The following COL4A3 variants were observed in gnomAD, a reference collection of about 807,000 sequenced individuals.
COL4A3 encodes the protein collagen alpha-3(IV) chain.
COL4A3 carries 135 observed loss-of-function variants against 217.4 expected under a neutral mutation model. The observed-to-expected ratio is 0.62, with a 90% CI of 0.54 to 0.72. COL4A3 has a LOEUF of 0.72. Among genes scored for constraint, COL4A3 ranks in the 30% least tolerant of loss-of-function variants. The probability of loss-of-function intolerance (pLI) is 0.00; values close to 1 mark genes in which losing one functional copy is unlikely to be tolerated. For missense variants in COL4A3, 1,868 were observed against 2,119.9 expected, an observed-to-expected ratio of 0.88 and a Z score of 2.33; for synonymous variants, 690 against 736.3, an observed-to-expected ratio of 0.94 and a Z score of 1.02.
At position 227,246,669 on chromosome 2, in the gene COL4A3, T is replaced by C. The variant is rs1427479006; in HGVS notation, c.388-16T>C. On this transcript the variant is annotated splice_polypyrimidine_tract_variant and intron_variant, in intron 6 of 51. Transcript: ENST00000396578. Reference sequence around the variant, plus strand: ...AGAACAACTAAGAATAATAAGAAACTTTGTATGTCTTTTAGGGTGAGCAGG... The same window carrying C: ...AGAACAACTAAGAATAATAAGAAACCTTGTATGTCTTTTAGGGTGAGCAGG... The C allele has an allele frequency of 3.7e-6, 6 of 1,602,318 alleles. No individual in the cohort carries two copies. The Admixed American group carries it at 8.3e-5, about 22-fold the overall frequency.
At chr2:227,206,721 C>T (rs755576291) in intron 1 of COL4A3, among the ~76,000 whole-genome samples, 1 of 152,106 alleles carries the variant, frequency 6.6e-6, no homozygotes, top group Admixed American at 6.6e-5. Flanking sequence ...TTTGTATGCA[C>T]GTGGAGGTTG....
chr2:227,247,656 T>G (rs78706558), intron 8 of COL4A3, 72 bp downstream of exon 8: 1 of 1,406,512 alleles, frequency 7.1e-7, no homozygotes. Context: ...TATTAAATAA[T>G]GAGACTTAAG....
intron 20 of COL4A3, 73 bp downstream of exon 20, chr2:227,261,190 T>C (rs1361035286): frequency 8.1e-7 from 1 of 1,235,512 alleles, no homozygotes; most frequent in Non-Finnish European, 1.2e-6. Flanking sequence ...CTATTAAGTT[T>C]ACATTATTTA....
At chr2:227,207,712 G>A (rs1169085076) in intron 1 of COL4A3, among the ~76,000 whole-genome samples, 1 of 152,170 alleles carries the variant, frequency 6.6e-6, no homozygotes, top group East Asian at 1.9e-4. Context: ...TTGTAAATGT[G>A]GCCAAAAGCT....
rs76979607 is a variant in COL4A3 at position 227,254,444 on chromosome 2, A to G, written c.829-212A>G. On this transcript the variant is annotated intron_variant, in intron 14 of 51. Coordinates refer to ENST00000396578, the MANE Select transcript of COL4A3 (RefSeq NM_000091.5). ...CCTTGCACTGCTGTACATGCACCCA[A>G]TGCCACCCATCCTATGACTTATCTT... Among the ~76,000 whole-genome samples, 5,213 of 152,160 alleles carry G rather than the reference A, an allele frequency of 0.034. 285 individuals carry two copies. Among genetic ancestry groups the G allele is most frequent in the African/African-American group, 0.12 (4,958 of 41,476 alleles).
intron 42 of COL4A3, 41 bp downstream of exon 42, chr2:227,297,900 C>A (rs1414817383): frequency 1.9e-6 from 3 of 1,547,888 alleles, no homozygotes; most frequent in South Asian, 1.2e-5. Context: ...TAACAAAAAT[C>A]ATGTTTGACC....
chr2:227,310,327 G>A (rs1265479303), intron 50 of COL4A3, among the ~76,000 whole-genome samples: 1 of 152,150 alleles, frequency 6.6e-6, no homozygotes, highest in East Asian at 1.9e-4. Context: ...GGAGTGCAGT[G>A]GTGCAATCTT....
intron 14 of COL4A3, 48 bp from the exon 15 acceptor site, chr2:227,254,608 A>T: frequency 7.2e-7 from 1 of 1,395,466 alleles, no homozygotes; most frequent in South Asian, 1.2e-5. Context: ...CAATGTAAGT[A>T]AAAAAATCAG....
rs754689846 is a variant in COL4A3, at chr2:227,254,024, T to C, written c.766-88T>C. On this transcript the variant is annotated intron_variant, in intron 13 of 51. Transcript: ENST00000396578. ...ATTCATAGTTTGTAAACCCAGTTTA[T>C]TGAACAGATAGAGGATTTGTCCCAC... 5.7e-6 allele frequency: 7 copies of C among 1,224,354 alleles called. No homozygotes were observed. The East Asian group carries it at 7.0e-5, about 12-fold the overall frequency. 75.8% of individuals were successfully genotyped at this position (1,224,354 alleles called of 1,614,324 possible).
In COL4A3 at chr2:227,191,530, C is replaced by T. The variant is rs903217111; in HGVS notation, c.87+26717C>T. Among the ~76,000 whole-genome samples, 1 of 152,144 alleles carries T rather than the reference C, an allele frequency of 6.6e-6. No individual in the cohort carries two copies. The highest frequency in any genetic ancestry group is 1.5e-5 in the Non-Finnish European group (1 of 68,030). On this transcript the variant is annotated intron_variant, in intron 1 of 51. Transcript: ENST00000396578. This position sits in a 1 kb window ranked among gnomAD's most constrained non-coding sequence, Gnocchi z 6.8. ...GAGCTCCCCTGTTGGCCATTCCCCG[C>T]ATCAAGGATTCAAAGAACCTGCCAA...
At chr2:227,302,690 A>AAAAAAAAAAAAAAAAAT (rs2073344045) in intron 43 of COL4A3, among the ~76,000 whole-genome samples, 1 of 76,952 alleles carries the variant, frequency 1.3e-5, no homozygotes, top group African/African-American at 3.3e-5. Flanking sequence ...AAAAAAAAAA[A>AAAAAAAAAAAAAAAAAT]AAAAAAAAAA....
At chr2:227,238,099 C>G (rs1409471039) in intron 2 of COL4A3, 75 bp downstream of exon 2, 3 of 969,136 alleles carry the variant, frequency 3.1e-6, no homozygotes, top group Non-Finnish European at 5.0e-6. Context: ...CTTCTTTCAT[C>G]GGTAGCAGAA....
At chr2:227,279,034 C>T (rs185917791) in intron 28 of COL4A3, among the ~76,000 whole-genome samples, 2 of 152,060 alleles carry the variant, frequency 1.3e-5, no homozygotes, top group East Asian at 1.9e-4. Flanking sequence ...TCTTAAGCAA[C>T]CCCTGTTGAG....
At chr2:227,180,785 G>A (rs1040626376) in intron 1 of COL4A3, among the ~76,000 whole-genome samples, 3 of 152,146 alleles carry the variant, frequency 2.0e-5, no homozygotes, top group African/African-American at 7.2e-5. Context: ...TACTGAGACA[G>A]GAATGAGATT....
chr2:227,272,826 C>A, intron 25 of COL4A3, 123 bp from the exon 26 acceptor site: 2 of 1,069,510 alleles, frequency 1.9e-6, no homozygotes, highest in Non-Finnish European at 2.9e-6. Context: ...CATCAAATGC[C>A]AAATGCTTTT....
chr2:227,251,038 C>T (rs531717815), intron 9 of COL4A3, 102 bp from the exon 10 acceptor site: 1 of 926,924 alleles, frequency 1.1e-6, no homozygotes, highest in Admixed American at 1.7e-5. Flanking sequence ...GTGTTATGCT[C>T]TTCTGATTTT....
chr2:227,210,788 T>A (rs2067288502), intron 1 of COL4A3, among the ~76,000 whole-genome samples: 1 of 152,176 alleles, frequency 6.6e-6, no homozygotes, highest in African/African-American at 2.4e-5. Flanking sequence ...TGTTACCTAT[T>A]TTCTTATTTT....
intron 1 of COL4A3, among the ~76,000 whole-genome samples, chr2:227,231,752 G>A (rs576315920): frequency 1.1e-4 from 16 of 152,240 alleles, no homozygotes; most frequent in East Asian, 1.9e-4. Context: ...GGCTGGTCTC[G>A]AACTCCGGAT....
intron 3 of COL4A3, among the ~76,000 whole-genome samples, chr2:227,240,971 C>T (rs2068984708): frequency 6.6e-6 from 1 of 151,990 alleles, no homozygotes; most frequent in Admixed American, 6.5e-5. Flanking sequence ...GTGTGGATCG[C>T]TCTCCTCTCC....
Sources: gnomAD v4.1 joint callset for allele counts (sites outside exome capture counted in the v4.1 genomes callset) on GRCh38, gnomAD v4.1.1 for gene constraint, Gnocchi (gnomAD v3.1) non-coding constraint, MANE v1.5 for transcripts, NCBI Gene and HGNC (gene_info 2026-07-23, HGNC 2026-07-21) for gene names.